Variants in RBFOX1 observed in about 807,000 individuals in gnomAD.
RBFOX1 encodes the protein RNA binding fox-1 homolog 1, also known as RNA binding protein fox-1 homolog 1.
RBFOX1 carries 8 observed loss-of-function variants against 57.7 expected under a neutral mutation model. The ratio of observed to expected loss-of-function variants is 0.14; its 90% confidence interval spans 0.08 to 0.25. The LOEUF (loss-of-function observed/expected upper bound fraction) is 0.25, where lower values mean the gene tolerates loss of function less well. Ranked by LOEUF, RBFOX1 falls within the 10% of genes least tolerant of loss-of-function variation. The pLI is 1.00. For missense variants in RBFOX1, 611 were observed against 548.5 expected, an observed-to-expected ratio of 1.11 and a Z score of -1.14; for synonymous variants, 326 against 222.4, an observed-to-expected ratio of 1.47 and a Z score of -4.15.
chr16:5,285,088 C>G (rs1445698514), intron 1 of RBFOX1, among the ~76,000 whole-genome samples: 1 of 152,134 alleles, frequency 6.6e-6, no homozygotes, highest in Non-Finnish European at 1.5e-5. Context: ...ATCTGGAACT[C>G]CAAGAATTTC....
chr16:7,259,555 C>A (rs2094834627), intron 4 of RBFOX1, among the ~76,000 whole-genome samples: 3 of 150,014 alleles, frequency 2.0e-5, no homozygotes, highest in African/African-American at 7.3e-5. Flanking sequence ...CAGTATAAAT[C>A]TCCAATGTAA....
chr16:7,166,303 C>T (rs114083455), intron 4 of RBFOX1, among the ~76,000 whole-genome samples: 2,662 of 152,198 alleles, frequency 0.017, 80 homozygotes, highest in African/African-American at 0.06. Context: ...CGTGAACCAC[C>T]GCACCCGGCC....
chr16:7,537,883 G>A (rs2081930891), intron 5 of RBFOX1, among the ~76,000 whole-genome samples: 1 of 152,208 alleles, frequency 6.6e-6, no homozygotes, highest in South Asian at 2.1e-4. Flanking sequence ...TGCATGAGGG[G>A]AAATCCGTGG....
chr16:7,605,943 A>G (rs769580205), intron 9 of RBFOX1, among the ~76,000 whole-genome samples: 1 of 151,808 alleles, frequency 6.6e-6, no homozygotes, highest in African/African-American at 2.4e-5. Flanking sequence ...GCTTCAAGCG[A>G]TTCTCATGCC....
At chr16:5,416,606 A>G (rs538388757) in intron 1 of RBFOX1, among the ~76,000 whole-genome samples, 1 of 152,012 alleles carries the variant, frequency 6.6e-6, no homozygotes, top group South Asian at 2.1e-4. Flanking sequence ...TAAAGATCTC[A>G]CTGCATTTTC....
intron 3 of RBFOX1, among the ~76,000 whole-genome samples, chr16:6,756,368 A>C (rs1024541969): frequency 6.6e-6 from 1 of 152,208 alleles, no homozygotes; most frequent in Non-Finnish European, 1.5e-5. Flanking sequence ...AACTACTAGA[A>C]GTAAACATAG....
At chr16:5,657,399 G>C (rs2049464346) in intron 3 of RBFOX1, among the ~76,000 whole-genome samples, 2 of 152,296 alleles carry the variant, frequency 1.3e-5, no homozygotes, top group East Asian at 3.9e-4. Context: ...TGTTTACAGA[G>C]GATGAAATTG....
intron 3 of RBFOX1, among the ~76,000 whole-genome samples, chr16:6,743,071 A>G (rs12596921): frequency 0.27 from 41,802 of 152,134 alleles, 6,213 homozygotes; most frequent in Non-Finnish European, 0.34. Flanking sequence ...ACTTCTCTGT[A>G]GTGTCTTTAC....
At chr16:5,814,789 C>T (rs568159334) in intron 3 of RBFOX1, among the ~76,000 whole-genome samples, 10 of 152,166 alleles carry the variant, frequency 6.6e-5, no homozygotes, top group East Asian at 1.9e-4. Context: ...ATTAGCCAGG[C>T]GCGGTGGAGG....
intron 3 of RBFOX1, among the ~76,000 whole-genome samples, chr16:6,757,229 C>A (rs147043709): frequency 6.6e-6 from 1 of 151,962 alleles, no homozygotes; most frequent in East Asian, 1.9e-4. Context: ...ATAGGGAAAA[C>A]AATACAGAGG....
At chr16:5,759,944 C>T (rs1053367992) in intron 3 of RBFOX1, among the ~76,000 whole-genome samples, 9 of 151,400 alleles carry the variant, frequency 5.9e-5, no homozygotes, top group African/African-American at 2.2e-4. Context: ...GTGCGTATTT[C>T]AACTGCACTG....
intron 3 of RBFOX1, among the ~76,000 whole-genome samples, chr16:5,707,206 A>G (rs868741387): frequency 6.6e-6 from 1 of 152,072 alleles, no homozygotes; most frequent in Non-Finnish European, 1.5e-5. Flanking sequence ...ACCTGTAACT[A>G]TCTCTAATTC....
chr16:7,231,685 G>T (rs527873556), intron 4 of RBFOX1, among the ~76,000 whole-genome samples: 3 of 152,272 alleles, frequency 2.0e-5, no homozygotes, highest in Non-Finnish European at 2.9e-5. Flanking sequence ...TGAACAAAAT[G>T]TGGTCTATCC....
At chr16:7,652,344 C>G (rs2065246105) in intron 11 of RBFOX1, among the ~76,000 whole-genome samples, 2 of 152,110 alleles carry the variant, frequency 1.3e-5, no homozygotes, top group South Asian at 4.1e-4. Context: ...ATTCCCCTTC[C>G]TAACTCCTCC....
chr16:6,786,426 G>T (rs975101734), intron 3 of RBFOX1, among the ~76,000 whole-genome samples: 3 of 152,134 alleles, frequency 2.0e-5, no homozygotes, highest in Admixed American at 6.5e-5. Flanking sequence ...TCAGGAGGTA[G>T]ATCAAGTGGA....
intron 2 of RBFOX1, among the ~76,000 whole-genome samples, chr16:6,546,333 A>G (rs2096895071): frequency 6.6e-6 from 1 of 152,196 alleles, no homozygotes. Context: ...AAGATAGGGT[A>G]TTAGTTAGTA....
chr16:7,381,519 T>G, intron 4 of RBFOX1, among the ~76,000 whole-genome samples: 1 of 152,172 alleles, frequency 6.6e-6, no homozygotes, highest in East Asian at 1.9e-4. Flanking sequence ...TTTTTTTTAT[T>G]TTATTAACAG....
rs145790354 is a variant in RBFOX1, at chr16:7,203,138, C to G, written c.27+151040C>G. Among the ~76,000 whole-genome samples, 421 of 152,256 alleles carry G rather than the reference C, an allele frequency of 2.8e-3. 3 individuals carry two copies. The highest frequency in any genetic ancestry group is 6.8e-3 in the Middle Eastern group (2 of 294). ...TAACAGCTAAAATATGGGACTAATACAAGTGTTTATCAATGATGAACAGAT... is the reference window on the plus strand; with the variant it reads ...TAACAGCTAAAATATGGGACTAATAGAAGTGTTTATCAATGATGAACAGAT... On this transcript the variant is annotated intron_variant, in intron 4 of 15. Coordinates refer to ENST00000550418, the MANE Select transcript of RBFOX1 (RefSeq NM_018723.4).
intron 2 of RBFOX1, among the ~76,000 whole-genome samples, chr16:6,400,262 A>T (rs1229129263): frequency 6.6e-6 from 1 of 152,254 alleles, no homozygotes; most frequent in Non-Finnish European, 1.5e-5. Flanking sequence ...TTTTCTGGCA[A>T]CAATGGAATA....
Sources: allele counts gnomAD v4.1 joint callset (sites outside exome capture counted in the v4.1 genomes callset), GRCh38; gene constraint gnomAD v4.1.1; transcripts MANE v1.5; gene names NCBI Gene and HGNC (gene_info 2026-07-23, HGNC 2026-07-21).